Variants in PPM1E observed in about 807,000 individuals in gnomAD.
PPM1E encodes protein phosphatase 1E.
A neutral mutation model predicts 65.9 loss-of-function variants in PPM1E; 20 were observed. That is an observed-to-expected ratio of 0.30 (90% CI 0.21 to 0.44). PPM1E has a LOEUF of 0.44. Ranked by LOEUF, PPM1E falls within the 20% of genes least tolerant of loss-of-function variation. The pLI, the probability that PPM1E is intolerant of heterozygous loss-of-function variation, is 1.00. For missense variants in PPM1E, 713 were observed against 953.1 expected, an observed-to-expected ratio of 0.75 and a Z score of 3.32; for synonymous variants, 352 against 374.9, an observed-to-expected ratio of 0.94 and a Z score of 0.70.
At chr17:58,900,743 T>G (rs915435656) in intron 1 of PPM1E, among the ~76,000 whole-genome samples, 2 of 152,176 alleles carry the variant, frequency 1.3e-5, no homozygotes, top group African/African-American at 4.8e-5. Context: ...TTGTTCCAGT[T>G]TGGAGCTATT....
chr17:58,919,349 A>G (rs1460686650), intron 1 of PPM1E, among the ~76,000 whole-genome samples: 1 of 152,210 alleles, frequency 6.6e-6, no homozygotes, highest in African/African-American at 2.4e-5. Context: ...GTTAACATTC[A>G]GCTTTCATTC....
rs1342525495 is a variant in PPM1E at position 58,972,193 on chromosome 17, C to T, written c.1034C>T (p.Ala345Val). 6.2e-7 allele frequency: 1 copy of T among 1,614,054 alleles called. No individual in the cohort carries two copies. The change falls in exon 5 of 7, where the codon GCC (alanine) becomes GTC (valine). Residue 345 changes from alanine to valine, a missense_variant. By Grantham distance (64) the Ala-to-Val change is moderately conservative. Coordinates refer to ENST00000308249, the MANE Select transcript of PPM1E (RefSeq NM_014906.5). The part of the protein sequence containing the change: ...TFIRGNMLHV[A>V]WVGDSQVMLV... The stretch of plus-strand genomic sequence containing the variant: ...ATCAGAGGCAACATGCTACATGTGG[C>T]CTGGGTGGGTGATTCCCAGGTTATG...
At chr17:58,853,199 T>C (rs928392286) in intron 1 of PPM1E, among the ~76,000 whole-genome samples, 4 of 152,216 alleles carry the variant, frequency 2.6e-5, no homozygotes, top group Non-Finnish European at 5.9e-5. Flanking sequence ...CTTTCTTCTT[T>C]CTTGCCTTAT....
intron 1 of PPM1E, among the ~76,000 whole-genome samples, chr17:58,850,270 A>G (rs1318900630): frequency 6.6e-6 from 1 of 152,106 alleles, no homozygotes; most frequent in East Asian, 1.9e-4. Flanking sequence ...CATTTAGCCC[A>G]TTTACATTTA....
intron 1 of PPM1E, among the ~76,000 whole-genome samples, chr17:58,868,263 G>A (rs1442440494): frequency 6.6e-6 from 1 of 152,142 alleles, no homozygotes; most frequent in East Asian, 1.9e-4. Context: ...AGGTTGCAGT[G>A]AGCCAAGATT....
intron 1 of PPM1E, among the ~76,000 whole-genome samples, chr17:58,761,787 A>G (rs955157923): frequency 3.9e-5 from 6 of 152,098 alleles, no homozygotes; most frequent in Non-Finnish European, 5.9e-5. Context: ...TCTTGTAAGT[A>G]CTTGGTTTAA....
At chr17:58,896,683 G>A (rs1343243311) in intron 1 of PPM1E, among the ~76,000 whole-genome samples, 2 of 152,212 alleles carry the variant, frequency 1.3e-5, no homozygotes, top group African/African-American at 2.4e-5. Context: ...TAACTTAAAA[G>A]TGCACAGTGA....
chr17:58,812,843 A>G (rs2050382229), intron 1 of PPM1E, among the ~76,000 whole-genome samples: 1 of 152,222 alleles, frequency 6.6e-6, no homozygotes, highest in Non-Finnish European at 1.5e-5. Context: ...CTGGGATTAC[A>G]GGCATGAGCC....
chr17:58,875,742 G>A (rs2051120324), intron 1 of PPM1E, among the ~76,000 whole-genome samples: 1 of 152,062 alleles, frequency 6.6e-6, no homozygotes, highest in South Asian at 2.1e-4. Flanking sequence ...CTATTTGAAA[G>A]GTACTGTAAT....
chr17:58,827,485 C>T (rs1054553541), intron 1 of PPM1E, among the ~76,000 whole-genome samples: 1 of 151,990 alleles, frequency 6.6e-6, no homozygotes, highest in Non-Finnish European at 1.5e-5. Flanking sequence ...GATCTTATAC[C>T]AATGTTTTAT....
chr17:58,966,866 T>G (rs2143683809), intron 3 of PPM1E: 1 of 152,688 alleles, frequency 6.5e-6, no homozygotes, highest in Non-Finnish European at 1.5e-5. Context: ...GCTGTCAAGG[T>G]CTAATCAGCA....
chr17:58,886,924 C>G (rs528614553), intron 1 of PPM1E, among the ~76,000 whole-genome samples: 4 of 152,206 alleles, frequency 2.6e-5, no homozygotes, highest in African/African-American at 9.6e-5. Context: ...TGGGAACTCT[C>G]TGTACTTCTT....
At chr17:58,842,851 T>C (rs746199851) in intron 1 of PPM1E, among the ~76,000 whole-genome samples, 3 of 152,126 alleles carry the variant, frequency 2.0e-5, no homozygotes, top group Admixed American at 1.3e-4. Context: ...GGCAGAAGAA[T>C]CTCTTGAACC....
intron 1 of PPM1E, among the ~76,000 whole-genome samples, chr17:58,940,323 C>T (rs1168309288): frequency 1.3e-5 from 2 of 152,186 alleles, no homozygotes; most frequent in Non-Finnish European, 2.9e-5. Context: ...GAAATAATCA[C>T]TTCCAACTCA....
intron 1 of PPM1E, among the ~76,000 whole-genome samples, chr17:58,800,530 C>G (rs2050249416): frequency 6.6e-6 from 1 of 152,058 alleles, no homozygotes; most frequent in African/African-American, 2.4e-5. Context: ...CATAATTCAC[C>G]AGTAAAACTA....
chr17:58,757,835 A>G (rs1354482119), intron 1 of PPM1E, among the ~76,000 whole-genome samples: 1 of 152,214 alleles, frequency 6.6e-6, no homozygotes, highest in East Asian at 1.9e-4. Context: ...GTCAATTAGC[A>G]AGGTAATGAT....
chr17:58,784,010 C>T (rs1298437775), intron 1 of PPM1E, among the ~76,000 whole-genome samples: 1 of 151,102 alleles, frequency 6.6e-6, no homozygotes, highest in African/African-American at 2.4e-5. Context: ...CGTGCCCGGC[C>T]TGTTTTTTTT....
At chr17:58,789,007 C>G (rs1026788639) in intron 1 of PPM1E, among the ~76,000 whole-genome samples, 1 of 152,158 alleles carries the variant, frequency 6.6e-6, no homozygotes, top group African/African-American at 2.4e-5. Context: ...GTTACACTGC[C>G]TTCAGATCCT....
chr17:58,797,591 CCA>C (rs1413093347), intron 1 of PPM1E, among the ~76,000 whole-genome samples: 1 of 152,066 alleles, frequency 6.6e-6, no homozygotes, highest in Non-Finnish European at 1.5e-5. Context: ...TGTGAATGTA[CCA>C]CAGTTTTTTC....
Sources: allele counts gnomAD v4.1 joint callset (sites outside exome capture counted in the v4.1 genomes callset), GRCh38; gene constraint gnomAD v4.1.1; transcripts MANE v1.5; gene names NCBI Gene and HGNC (gene_info 2026-07-23, HGNC 2026-07-21).